PAQR7: variants seen among roughly 807,000 people sequenced by gnomAD.
The protein encoded by PAQR7 is membrane progestin receptor alpha.
Under a neutral mutation model 24.6 loss-of-function variants are expected in PAQR7, and 14 were observed. The observed-to-expected ratio is 0.57, with a 90% CI of 0.38 to 0.89. The LOEUF (loss-of-function observed/expected upper bound fraction) is 0.89, where lower values mean the gene tolerates loss of function less well. Ranked by LOEUF, PAQR7 falls within the 40% of genes least tolerant of loss-of-function variation. The probability of loss-of-function intolerance (pLI) is 0.00; values close to 1 mark genes in which losing one functional copy is unlikely to be tolerated. For missense variants in PAQR7, 351 were observed against 444.0 expected (o/e 0.79, Z 1.88); for synonymous variants, 189 against 198.8 (o/e 0.95, Z 0.42).
At chr1:25,867,775 G>A (rs2048569247) in intron 2 of PAQR7, among the ~76,000 whole-genome samples, 1 of 152,230 alleles carries the variant, frequency 6.6e-6, no homozygotes, top group Non-Finnish European at 1.5e-5. Flanking sequence ...CATCTCCAGA[G>A]CCTGATTTGC....
Position 25,875,319 on chromosome 1 carries a change from CCTCCGGCTCCGCGTCCTGCCTGT to C in PAQR7, c.-109+146_-109+168del, listed in dbSNP as rs1001680123. On this transcript the variant is annotated intron_variant, in intron 1 of 2. Coordinates refer to ENST00000675840, the MANE Select transcript of PAQR7 (RefSeq NM_178422.6). The surrounding 1 kb of genome is among the most constrained non-coding windows in gnomAD (Gnocchi z 5.4). ...TCCTCTCACTTAGCCCAGGTGCTCC[CCTCCGGCTCCGCGTCCTGCCTGT>C]CTTCCCCGGGTCCCAAGTCCGCCCC... Among the ~76,000 whole-genome samples, 1 of 152,214 alleles carries C rather than the reference CCTCCGGCTCCGCGTCCTGCCTGT, an allele frequency of 6.6e-6. No individual in the cohort carries two copies. The highest frequency in any genetic ancestry group is 1.5e-5 in the Non-Finnish European group (1 of 68,032).
At chr1:25,870,938 G>A (rs974619668) in intron 1 of PAQR7, 25 of 152,234 alleles carry the variant, frequency 1.6e-4, no homozygotes, top group Middle Eastern at 3.4e-3. Flanking sequence ...TTAGAACAAA[G>A]TTTTAGCTTC....
rs1232299889 is a variant in PAQR7 at position 25,862,229 on chromosome 1, T to G, written c.*570A>C. ...GGGGCTCACTGTCTGGGATAGTGAC[T>G]GAAGGAGTATGAAGCACTGGATGGG... On this transcript the variant is annotated 3_prime_UTR_variant, in exon 3 of 3. Transcript: ENST00000675840. 6.5e-6 allele frequency: 1 copy of G among 153,034 alleles called. No homozygotes were observed. Among genetic ancestry groups the G allele is most frequent in the Non-Finnish European group, 1.5e-5 (1 of 68,810 alleles). 9.5% of individuals were successfully genotyped at this position (153,034 alleles called of 1,614,324 possible).
rs2048521519 is a variant in PAQR7 at position 25,862,797 on chromosome 1, C to A, written c.*2G>T. ...TCCCTCCCTACCAGATGCCATCCCC[C>A]TTCACTTGGTCTTCTGATCAAGTTT... is the stretch of plus-strand genomic sequence containing the variant. On this transcript the variant is annotated 3_prime_UTR_variant, in exon 3 of 3. Coordinates refer to ENST00000675840, the MANE Select transcript of PAQR7 (RefSeq NM_178422.6). 1 of 1,611,528 alleles carries A rather than the reference C, an allele frequency of 6.2e-7. No homozygotes were observed. The highest frequency in any genetic ancestry group is 8.5e-7 in the Non-Finnish European group (1 of 1,178,390).
chr1:25,867,828 G>T (rs1183082381), intron 2 of PAQR7, among the ~76,000 whole-genome samples: 1 of 152,210 alleles, frequency 6.6e-6, no homozygotes, highest in Non-Finnish European at 1.5e-5. Context: ...CATCAGCCCT[G>T]CTCCCCAGTC....
Position 25,862,610 on chromosome 1 carries a change from C to A in PAQR7, c.*189G>T. On this transcript the variant is annotated 3_prime_UTR_variant, in exon 3 of 3. Coordinates refer to ENST00000675840, the MANE Select transcript of PAQR7 (RefSeq NM_178422.6). ...GAGCTGGGGCAGGCCCAGGAGTGGA[C>A]CCCAGCAACTCCTAGCCAATCCCTA... is the stretch of plus-strand genomic sequence containing the variant. 1 of 663,646 alleles carries A rather than the reference C, an allele frequency of 1.5e-6. No individual in the cohort carries two copies. The highest frequency in any genetic ancestry group is 2.5e-6 in the Non-Finnish European group (1 of 396,706). 41.1% of individuals were successfully genotyped at this position (663,646 alleles called of 1,614,324 possible). A position where few individuals can be genotyped will look rare whatever the true frequency, so the allele number is the denominator to read the frequency against.
chr1:25,866,021 G>A (rs2048554760), intron 2 of PAQR7, among the ~76,000 whole-genome samples: 1 of 151,036 alleles, frequency 6.6e-6, no homozygotes. Context: ...AGAACAACAT[G>A]ACACCATTCT....
At chr1:25,871,209 A>C (rs2048603280) in intron 1 of PAQR7, 2 of 152,124 alleles carry the variant, frequency 1.3e-5, no homozygotes, top group Non-Finnish European at 2.9e-5. Flanking sequence ...TTAATCATTA[A>C]ATTGTTCTTA....
rs140986699 is a variant in PAQR7 at position 25,862,875 on chromosome 1, G to A, written c.965C>T (p.Thr322Met). 1.3e-4 allele frequency: 206 copies of A among 1,614,190 alleles called. No homozygotes were observed. In the African/African-American group the frequency reaches 2.3e-3, roughly 18 times the overall value. ...PHNFSGLFLL[T>M]VGSSILTAFL... ...TGCAGTGAGGATGCTGCTGCCCACC[G>A]TGAGCAGGAAGAGGCCAGAAAAGTT... The change falls in exon 3 of 3, where the codon ACG becomes ATG. Residue 322 changes from threonine (T) to methionine (M), a missense_variant. Physicochemically the swap from Thr to Met is moderately conservative, Grantham distance 81. Coordinates refer to ENST00000675840, the MANE Select transcript of PAQR7 (RefSeq NM_178422.6).
chr1:25,874,075 G>T (rs1197912071), intron 1 of PAQR7, among the ~76,000 whole-genome samples: 1 of 151,832 alleles, frequency 6.6e-6, no homozygotes, highest in African/African-American at 2.4e-5. Flanking sequence ...TAGAGATGGG[G>T]TTTCTCCATG....
rs1257589237 is a variant in PAQR7, at chr1:25,862,552, A to G, written c.*247T>C. On this transcript the variant is annotated 3_prime_UTR_variant, in exon 3 of 3. Coordinates refer to ENST00000675840, the MANE Select transcript of PAQR7 (RefSeq NM_178422.6). ...GTGGAAGGGCAAGCTGGAGTGGCCC[A>G]CACCGTTAACTCTTTCCCTCTCCCT... The G allele has an allele frequency of 2.0e-6, 1 of 492,702 alleles. No individual in the cohort carries two copies. Among genetic ancestry groups the G allele is most frequent in the Non-Finnish European group, 3.6e-6 (1 of 276,170 alleles). 30.5% of individuals were successfully genotyped at this position (492,702 alleles called of 1,614,324 possible).
intron 2 of PAQR7, among the ~76,000 whole-genome samples, chr1:25,866,403 AT>A (rs1187148344): frequency 6.6e-6 from 1 of 152,170 alleles, no homozygotes; most frequent in African/African-American, 2.4e-5. Context: ...ACCTTGATTC[AT>A]TCATTTAACA....
intron 2 of PAQR7, among the ~76,000 whole-genome samples, chr1:25,864,490 A>G (rs2048540572): frequency 1.3e-5 from 2 of 152,186 alleles, no homozygotes; most frequent in African/African-American, 4.8e-5. Flanking sequence ...CTGTAGCTTT[A>G]CACGAGCCGT....
intron 2 of PAQR7, among the ~76,000 whole-genome samples, chr1:25,868,709 CA>C (rs35304131): frequency 7.2e-4 from 65 of 89,740 alleles, no homozygotes; most frequent in Middle Eastern, 7.2e-3. Flanking sequence ...GACCCTTTCT[CA>C]AAAAAAAAAA....
intron 2 of PAQR7, among the ~76,000 whole-genome samples, chr1:25,866,673 G>C (rs2048559635): frequency 6.6e-6 from 1 of 152,164 alleles, no homozygotes; most frequent in African/African-American, 2.4e-5. Flanking sequence ...CACCCACCTA[G>C]CCAGGAAGTA....
intron 2 of PAQR7, among the ~76,000 whole-genome samples, chr1:25,867,097 C>G (rs1227589494): frequency 6.6e-6 from 1 of 152,220 alleles, no homozygotes; most frequent in Non-Finnish European, 1.5e-5. Context: ...ATAATCACAG[C>G]TCACTGCAGC....
rs142922485 is a variant in PAQR7, at chr1:25,863,804, C to T, written c.36G>A (p.Pro12=). Residue 12 remains proline (P), a synonymous_variant, in exon 3 of 3, where the codon CCG becomes CCA. Transcript: ENST00000675840. This position sits in a 1 kb window ranked among gnomAD's most constrained non-coding sequence, Gnocchi z 6.1. ...AMAQKLSHLL[P]SLRQVIQEPQ... is the part of the protein sequence containing the mutation. ...GCTCCTGGATGACCTGCCGCAGACT[C>T]GGCAGGAGGTGGCTGAGTTTCTGGG... The T allele has an allele frequency of 8.7e-6, 14 of 1,613,096 alleles. No homozygotes were observed. Among genetic ancestry groups the T allele is most frequent in the Non-Finnish European group, 1.0e-5 (12 of 1,179,680 alleles).
chr1:25,874,165 G>A (rs992252875), intron 1 of PAQR7, among the ~76,000 whole-genome samples: 4 of 149,794 alleles, frequency 2.7e-5, no homozygotes, highest in Non-Finnish European at 5.9e-5. Flanking sequence ...TTACAGGTGT[G>A]AGCCACCATG....
rs569570832 is a variant in PAQR7, at chr1:25,867,011, G to A, written c.-22-3150C>T. Among the ~76,000 whole-genome samples, 28 of 151,878 alleles carry A rather than the reference G, an allele frequency of 1.8e-4. 1 individual carries two copies. In the South Asian group the frequency reaches 3.1e-3, roughly 17 times the overall value. ...CTCCCAAAGTGTTGGGATTACAGGCGTGAGCCACGGCACCCAGCCTTGTTT... is the reference window on the plus strand; with the variant it reads ...CTCCCAAAGTGTTGGGATTACAGGCATGAGCCACGGCACCCAGCCTTGTTT... On this transcript the variant is annotated intron_variant, in intron 2 of 2. Transcript: ENST00000675840.
Sources: allele counts gnomAD v4.1 joint callset (sites outside exome capture counted in the v4.1 genomes callset), GRCh38; gene constraint gnomAD v4.1.1; non-coding constraint Gnocchi (gnomAD v3.1); transcripts MANE v1.5; gene names NCBI Gene and HGNC (gene_info 2026-07-23, HGNC 2026-07-21).